Variants in GRM8 observed in about 807,000 individuals in gnomAD.
GRM8 encodes glutamate metabotropic receptor 8, also known as metabotropic glutamate receptor 8.
A neutral mutation model predicts 87.2 loss-of-function variants in GRM8; 47 were observed. The ratio of observed to expected loss-of-function variants is 0.54; its 90% confidence interval spans 0.43 to 0.69. The LOEUF is 0.69. Among genes scored for constraint, GRM8 ranks in the 30% least tolerant of loss-of-function variants. The pLI is 0.00. For synonymous variants in GRM8, 396 were observed against 404.5 expected, an observed-to-expected ratio of 0.98 and a Z score of 0.25; for missense variants, 1,019 against 1,139.2, an observed-to-expected ratio of 0.89 and a Z score of 1.52.
intron 2 of GRM8, among the ~76,000 whole-genome samples, chr7:127,120,552 C>T (rs982689429): frequency 2.6e-5 from 4 of 152,088 alleles, no homozygotes; most frequent in Non-Finnish European, 4.4e-5. Context: ...CCAGGTGATT[C>T]GTGTTCACAA....
At chr7:127,233,529 G>T (rs1182699545) in intron 2 of GRM8, among the ~76,000 whole-genome samples, 3 of 152,182 alleles carry the variant, frequency 2.0e-5, no homozygotes, top group Non-Finnish European at 4.4e-5. Context: ...ACTAGTCAAA[G>T]CTAGAGGTCA....
chr7:126,532,700 G>A (rs574805821), intron 9 of GRM8, among the ~76,000 whole-genome samples: 29 of 148,726 alleles, frequency 1.9e-4, no homozygotes, highest in Admixed American at 5.5e-4. Flanking sequence ...ACATTAAAGT[G>A]TTTTTCATGG....
intron 9 of GRM8, among the ~76,000 whole-genome samples, chr7:126,451,194 G>A (rs1802577387): frequency 6.6e-6 from 1 of 151,788 alleles, no homozygotes; most frequent in Non-Finnish European, 1.5e-5. Context: ...GTGCCTGACA[G>A]CATCTGAAAC....
intron 8 of GRM8, among the ~76,000 whole-genome samples, chr7:126,595,864 G>A (rs528576975): frequency 6.1e-4 from 93 of 152,234 alleles, no homozygotes; most frequent in African/African-American, 2.2e-3. Context: ...CCGGCTGGTC[G>A]CAGTAGCTCA....
chr7:127,230,133 C>T (rs746405530), intron 2 of GRM8, among the ~76,000 whole-genome samples: 4 of 148,512 alleles, frequency 2.7e-5, no homozygotes, highest in African/African-American at 4.9e-5. Flanking sequence ...GCAATTCACC[C>T]CTGTTTAGCT....
chr7:126,963,240 A>G (rs1169985020), intron 3 of GRM8, among the ~76,000 whole-genome samples: 3 of 152,230 alleles, frequency 2.0e-5, no homozygotes, highest in East Asian at 1.9e-4. Flanking sequence ...TGCATATTCT[A>G]TTTCATTTTT....
intron 7 of GRM8, among the ~76,000 whole-genome samples, chr7:126,717,774 T>C: frequency 6.6e-6 from 1 of 152,236 alleles, no homozygotes. Context: ...CCAATTATTT[T>C]GGTTAATATC....
At chr7:127,025,885 G>A (rs1294544549) in intron 3 of GRM8, among the ~76,000 whole-genome samples, 1 of 151,900 alleles carries the variant, frequency 6.6e-6, no homozygotes, top group Non-Finnish European at 1.5e-5. Flanking sequence ...AAGTTCTAGG[G>A]TACATGGGCA....
At chr7:126,725,366 G>A (rs890145992) in intron 7 of GRM8, among the ~76,000 whole-genome samples, 9 of 152,158 alleles carry the variant, frequency 5.9e-5, no homozygotes, top group African/African-American at 2.2e-4. Context: ...ATAGAAGCAG[G>A]AGGCCCTATC....
intron 3 of GRM8, among the ~76,000 whole-genome samples, chr7:127,092,545 A>G (rs546508581): frequency 3.3e-4 from 50 of 152,316 alleles, no homozygotes; most frequent in Non-Finnish European, 4.7e-4. Context: ...AAAAATAGTA[A>G]TAATACAAAA....
chr7:127,048,565 A>G (rs932862896), intron 3 of GRM8, among the ~76,000 whole-genome samples: 9 of 152,206 alleles, frequency 5.9e-5, no homozygotes, highest in African/African-American at 2.2e-4. Context: ...ACGTCATTTA[A>G]TCTCTCAGCA....
At chr7:126,985,654 CA>C (rs1480920652) in intron 3 of GRM8, among the ~76,000 whole-genome samples, 1 of 152,174 alleles carries the variant, frequency 6.6e-6, no homozygotes, top group East Asian at 1.9e-4. Flanking sequence ...GGTCTCAAGG[CA>C]GTGCAGGGCA....
At chr7:126,779,562 G>C (rs1819845283) in intron 6 of GRM8, among the ~76,000 whole-genome samples, 1 of 152,010 alleles carries the variant, frequency 6.6e-6, no homozygotes, top group Non-Finnish European at 1.5e-5. Context: ...AATTATGAAA[G>C]ACATAACATA....
intron 7 of GRM8, among the ~76,000 whole-genome samples, chr7:126,750,401 C>A (rs1041530682): frequency 2.0e-5 from 3 of 151,954 alleles, no homozygotes; most frequent in Admixed American, 2.0e-4. Flanking sequence ...GGTGGTTACA[C>A]CACTGCATAT....
At chr7:126,826,660 G>C (rs1794833493) in intron 6 of GRM8, among the ~76,000 whole-genome samples, 1 of 152,198 alleles carries the variant, frequency 6.6e-6, no homozygotes, top group Non-Finnish European at 1.5e-5. Context: ...CTCCCATTTT[G>C]TAGGTTGCCT....
intron 2 of GRM8, among the ~76,000 whole-genome samples, chr7:127,238,306 ATGTGTG>A (rs3039798): frequency 0.053 from 7,842 of 146,810 alleles, 243 homozygotes; most frequent in East Asian, 0.13. Flanking sequence ...GTGTGTGTGC[ATGTGTG>A]TGTGTGTGTG....
intron 8 of GRM8, among the ~76,000 whole-genome samples, chr7:126,541,971 A>G (rs552048906): frequency 6.6e-6 from 1 of 152,342 alleles, no homozygotes; most frequent in African/African-American, 2.4e-5. Context: ...AAATAAGATT[A>G]CTAGGGTGGG....
At chr7:126,615,394 C>A (rs1236320040) in intron 7 of GRM8, among the ~76,000 whole-genome samples, 3 of 152,168 alleles carry the variant, frequency 2.0e-5, no homozygotes, top group African/African-American at 4.8e-5. Context: ...TGGAAAGGAA[C>A]AACCAGTACC....
intron 7 of GRM8, among the ~76,000 whole-genome samples, chr7:126,636,924 A>G (rs936966196): frequency 8.5e-5 from 13 of 152,056 alleles, no homozygotes; most frequent in Middle Eastern, 3.4e-3. Flanking sequence ...ATGGATTTCT[A>G]AAGTTCTTCA....
Sources: allele counts gnomAD v4.1 joint callset (sites outside exome capture counted in the v4.1 genomes callset), GRCh38; gene constraint gnomAD v4.1.1; transcripts MANE v1.5; gene names NCBI Gene and HGNC (gene_info 2026-07-23, HGNC 2026-07-21).